Variants in NAV1 observed in about 807,000 individuals in gnomAD.
The protein encoded by NAV1 is pore membrane and/or filament interacting like protein 3.
Under a neutral mutation model 175.2 loss-of-function variants are expected in NAV1, and 18 were observed. The ratio of observed to expected loss-of-function variants is 0.10; its 90% CI spans 0.07 to 0.15. NAV1 has a LOEUF of 0.15. Ranked by LOEUF, NAV1 falls within the 10% of genes least tolerant of loss-of-function variation. NAV1 has a pLI of 1.00. For synonymous variants in NAV1, 897 were observed against 978.7 expected, an observed-to-expected ratio of 0.92 and a Z score of 1.56; for missense variants, 1,731 against 2,436.6, an observed-to-expected ratio of 0.71 and a Z score of 6.10.
At chr1:201,684,136 G>A (rs989079948) in intron 1 of NAV1, among the ~76,000 whole-genome samples, 4 of 151,476 alleles carry the variant, frequency 2.6e-5, no homozygotes, top group South Asian at 4.2e-4. Flanking sequence ...CTTGCTTTTC[G>A]GCCCTACAAG....
chr1:201,647,610 G>C (rs12079055), upstream of NAV1, among the ~76,000 whole-genome samples: 19,854 of 151,752 alleles, frequency 0.13, 1,993 homozygotes, highest in African/African-American at 0.28. Flanking sequence ...CCCAGTCAAC[G>C]CTAGGCCCCT....
In NAV1 at chr1:201,788,371, G is replaced by A. The variant is rs1254876882; in HGVS notation, c.2996-97G>A. 29 of 1,316,882 alleles carry A rather than the reference G, an allele frequency of 2.2e-5. No individual in the cohort carries two copies. The highest frequency in any genetic ancestry group is 5.1e-5 in the Admixed American group (3 of 58,490). The allele number at this position is 1,316,882 out of a possible 1,614,324, so 81.6% of individuals were successfully genotyped here. On this transcript the variant is annotated intron_variant, in intron 9 of 29. Coordinates refer to ENST00000367296, the Ensembl canonical transcript of NAV1. The surrounding 1 kb of genome is among the most constrained non-coding windows in gnomAD (Gnocchi z 5.7). ...CTCCCCATTTGCCTCTCATGCTCCCGGTGCTCCATCCCCCAAGGGCCCGGA... is the reference window on the plus strand; with the variant it reads ...CTCCCCATTTGCCTCTCATGCTCCCAGTGCTCCATCCCCCAAGGGCCCGGA...
intron 3 of NAV1, among the ~76,000 whole-genome samples, chr1:201,732,004 T>G (rs981849033): frequency 6.6e-6 from 1 of 152,198 alleles, no homozygotes; most frequent in Non-Finnish European, 1.5e-5. Context: ...ACAAGGGAGC[T>G]CCTTGCTCCC....
intron 1 of NAV1, among the ~76,000 whole-genome samples, chr1:201,710,730 AC>A: frequency 6.6e-6 from 1 of 152,296 alleles, no homozygotes; most frequent in Non-Finnish European, 1.5e-5. Flanking sequence ...TGGGCAGTTT[AC>A]TTGTTCTCTC....
At position 201,740,132 on chromosome 1, in the gene NAV1, T is replaced by A; in HGVS notation, c.1226+21377T>A. The A allele has an allele frequency of 7.3e-7, 1 of 1,365,064 alleles. No homozygotes were observed. Among genetic ancestry groups the A allele is most frequent in the Non-Finnish European group, 9.6e-7 (1 of 1,038,080 alleles). 84.6% of individuals were successfully genotyped at this position (1,365,064 alleles called of 1,614,324 possible). A position where few individuals can be genotyped will look rare whatever the true frequency, so the allele number is the denominator to read the frequency against. On this transcript the variant is annotated intron_variant, in intron 3 of 29. Coordinates refer to ENST00000367296, the Ensembl canonical transcript of NAV1. This position sits in a 1 kb window ranked among gnomAD's most constrained non-coding sequence, Gnocchi z 4.7. Reference sequence around the variant, plus strand: ...CCAGACCGCAGAGCTGGGGTCGGGTTTGTGGCACCCCCAGCCCCGCCGCAG... The same window carrying A: ...CCAGACCGCAGAGCTGGGGTCGGGTATGTGGCACCCCCAGCCCCGCCGCAG...
Position 201,712,994 on chromosome 1 carries a change from C to A in NAV1, c.860+75C>A. ...CACCCCATTCTGGAGGGCAGGGCCCCCGGGTCCCTCCACACCTCTGCCAGG... is the reference window on the plus strand; with the variant it reads ...CACCCCATTCTGGAGGGCAGGGCCCACGGGTCCCTCCACACCTCTGCCAGG... On this transcript the variant is annotated intron_variant, in intron 2 of 29. Coordinates refer to ENST00000367296, the Ensembl canonical transcript of NAV1. The A allele has an allele frequency of 2.7e-6, 3 of 1,105,028 alleles. 1 individual carries two copies. Among genetic ancestry groups the A allele is most frequent in the Non-Finnish European group, 4.2e-6 (3 of 721,472 alleles). 68.5% of individuals were successfully genotyped at this position (1,105,028 alleles called of 1,614,324 possible). A position where few individuals can be genotyped will look rare whatever the true frequency, so the allele number is the denominator to read the frequency against.
At chr1:201,741,955 G>C (rs114150493) in intron 3 of NAV1, among the ~76,000 whole-genome samples, 139 of 152,308 alleles carry the variant, frequency 9.1e-4, no homozygotes, top group African/African-American at 3.2e-3. Context: ...CCATAGCCCA[G>C]GTTGAGGAGC....
At chr1:201,586,570 G>T (rs1176044739) in intron 1 of NAV1, among the ~76,000 whole-genome samples, 9 of 152,058 alleles carry the variant, frequency 5.9e-5, no homozygotes, top group Non-Finnish European at 1.5e-5. Flanking sequence ...CTGTCTTCCT[G>T]GCTCACAGGT....
At chr1:201,825,106 C>G (rs1453805755) in exon 30 of NAV1, 2 of 152,114 alleles carry the variant, frequency 1.3e-5, no homozygotes, top group Non-Finnish European at 2.9e-5. Context: ...ATGATTTTAA[C>G]AAAGAAAGGT....
chr1:201,602,953 C>T (rs942001981), intron 2 of NAV1, among the ~76,000 whole-genome samples: 4 of 152,154 alleles, frequency 2.6e-5, no homozygotes, highest in Non-Finnish European at 5.9e-5. Flanking sequence ...AGCTTCAAAA[C>T]CACAGAGGGA....
chr1:201,609,279 G>A (rs1667779707), intron 2 of NAV1, among the ~76,000 whole-genome samples: 1 of 152,222 alleles, frequency 6.6e-6, no homozygotes. Flanking sequence ...CTTGGCAAGA[G>A]GTCTGGTCTG....
At chr1:201,677,842 C>A (rs1670314425) in intron 1 of NAV1, among the ~76,000 whole-genome samples, 1 of 152,144 alleles carries the variant, frequency 6.6e-6, no homozygotes, top group Admixed American at 6.5e-5. Context: ...GTCACCCAGG[C>A]TGGTCTCAAA....
intron 3 of NAV1, among the ~76,000 whole-genome samples, chr1:201,755,069 GACA>G (rs1371681501): frequency 1.2e-4 from 19 of 152,170 alleles, no homozygotes; most frequent in African/African-American, 4.1e-4. Flanking sequence ...TCAGAGTAAA[GACA>G]ACATGTTACT....
At chr1:201,771,409 G>A (rs917101921) in intron 3 of NAV1, among the ~76,000 whole-genome samples, 1 of 142,104 alleles carries the variant, frequency 7.0e-6, no homozygotes, top group Admixed American at 7.4e-5. Context: ...TGAGGCAGGA[G>A]AATTGCTTGA....
rs1295729966 is a variant in NAV1 at position 201,810,441 on chromosome 1, TAAAG to T, written c.4562-74_4562-71del. On this transcript the variant is annotated intron_variant, in intron 23 of 29. Coordinates refer to ENST00000367296, the Ensembl canonical transcript of NAV1. The surrounding 1 kb of genome is among the most constrained non-coding windows in gnomAD (Gnocchi z 6.0). Reference sequence around the variant, plus strand: ...TGAGTTTCTTCAGGGGGCTCCTAGATAAAGAAAGAAAAGCCCTTTAGGATCCCTT... The same window carrying T: ...TGAGTTTCTTCAGGGGGCTCCTAGATAAAGAAAAGCCCTTTAGGATCCCTT... 4 of 1,333,760 alleles carry T rather than the reference TAAAG, an allele frequency of 3.0e-6. No homozygotes were observed. Among genetic ancestry groups the T allele is most frequent in the Middle Eastern group, 1.8e-4 (1 of 5,422 alleles). 82.6% of individuals were successfully genotyped at this position (1,333,760 alleles called of 1,614,324 possible).
At chr1:201,695,698 G>T (rs574752459) in intron 1 of NAV1, among the ~76,000 whole-genome samples, 1 of 152,346 alleles carries the variant, frequency 6.6e-6, no homozygotes, top group East Asian at 1.9e-4. Context: ...GCTTGGGCAA[G>T]GGCTGAGAGA....
chr1:201,553,931 T>C (rs536847951), intron 1 of NAV1, among the ~76,000 whole-genome samples: 32 of 152,344 alleles, frequency 2.1e-4, no homozygotes, highest in Non-Finnish European at 1.5e-5. Flanking sequence ...TTCACATCTA[T>C]CCAGCATCAA....
At chr1:201,824,883 A>C (rs976329554) in exon 30 of NAV1, 3 of 152,146 alleles carry the variant, frequency 2.0e-5, no homozygotes, top group African/African-American at 7.2e-5. Flanking sequence ...TAATGAGAGG[A>C]CCCGGCAATC....
intron 1 of NAV1, among the ~76,000 whole-genome samples, chr1:201,686,415 T>C (rs577811205): frequency 9.2e-5 from 14 of 152,316 alleles, no homozygotes; most frequent in African/African-American, 3.1e-4. Context: ...GACAGCAGTC[T>C]GATTAAACTA....
Sources: gnomAD v4.1 joint callset for allele counts (sites outside exome capture counted in the v4.1 genomes callset) on GRCh38, gnomAD v4.1.1 for gene constraint, Gnocchi (gnomAD v3.1) non-coding constraint, MANE v1.5 for transcripts, NCBI Gene and HGNC (gene_info 2026-07-23, HGNC 2026-07-21) for gene names.